ZFAT: variants seen among roughly 807,000 people sequenced by gnomAD.
ZFAT encodes zinc finger and AT-hook domain containing.
In ZFAT, 64 loss-of-function variants were observed where a neutral mutation model predicts 117.7. The observed-to-expected ratio is 0.54, with a 90% CI of 0.44 to 0.67. The LOEUF is 0.67. Among genes scored for constraint, ZFAT ranks in the 30% least tolerant of loss-of-function variants. The probability of loss-of-function intolerance (pLI) is 0.00; values close to 1 mark genes in which losing one functional copy is unlikely to be tolerated. For missense variants in ZFAT, 1,433 were observed against 1,584.5 expected, an observed-to-expected ratio of 0.90 and a Z score of 1.62; for synonymous variants, 679 against 615.0, an observed-to-expected ratio of 1.10 and a Z score of -1.54.
At chr8:134,629,865 G>A (rs1442299131) in intron 3 of ZFAT, among the ~76,000 whole-genome samples, 2 of 152,188 alleles carry the variant, frequency 1.3e-5, no homozygotes, top group African/African-American at 2.4e-5. Context: ...AGTGAACTGT[G>A]GAGAGAAGAA....
intron 1 of ZFAT, among the ~76,000 whole-genome samples, chr8:134,661,542 T>C (rs1384976277): frequency 6.6e-6 from 1 of 152,118 alleles, no homozygotes; most frequent in East Asian, 1.9e-4. Context: ...CTGGCTAGCC[T>C]TGGACACCTC....
chr8:134,680,062 G>A (rs1832996874), intron 1 of ZFAT, among the ~76,000 whole-genome samples: 1 of 151,484 alleles, frequency 6.6e-6, no homozygotes, highest in African/African-American at 2.4e-5. Flanking sequence ...TGCATGTTCT[G>A]TACATGTACC....
At chr8:134,829,607 T>C in the ZFAT span, among the ~76,000 whole-genome samples, 1 of 152,238 alleles carries the variant, frequency 6.6e-6, no homozygotes, top group South Asian at 2.1e-4. Context: ...TTTAAAGGGA[T>C]TAAGTATTTG....
intron 2 of ZFAT, among the ~76,000 whole-genome samples, chr8:134,644,588 T>C (rs1830770678): frequency 6.7e-6 from 1 of 150,000 alleles, no homozygotes; most frequent in Non-Finnish European, 1.5e-5. Context: ...ACACAACCCA[T>C]GTACACAACC....
At chr8:134,712,530 C>T (rs1392276355) in intron 1 of ZFAT, among the ~76,000 whole-genome samples, 1 of 152,104 alleles carries the variant, frequency 6.6e-6, no homozygotes, top group Non-Finnish European at 1.5e-5. Flanking sequence ...TCGAACCTCG[C>T]GCCCACTGCG....
the ZFAT span, among the ~76,000 whole-genome samples, chr8:134,800,774 G>A: frequency 6.6e-6 from 1 of 152,252 alleles, no homozygotes; most frequent in East Asian, 1.9e-4. Context: ...TGAGTTGGGT[G>A]TTTGTTTTTT....
intron 2 of ZFAT, among the ~76,000 whole-genome samples, chr8:134,655,189 G>A (rs780286638): frequency 1.1e-4 from 17 of 152,210 alleles, no homozygotes; most frequent in Admixed American, 4.6e-4. Flanking sequence ...GAATCTCCGG[G>A]AAGGGGCAGG....
At chr8:134,524,429 A>T (rs1820878858) in intron 12 of ZFAT, among the ~76,000 whole-genome samples, 1 of 152,206 alleles carries the variant, frequency 6.6e-6, no homozygotes, top group African/African-American at 2.4e-5. Flanking sequence ...ATTCAAAATA[A>T]TTACTGAAAT....
the ZFAT span, among the ~76,000 whole-genome samples, chr8:134,817,932 A>C: frequency 2.0e-5 from 3 of 152,174 alleles, no homozygotes; most frequent in African/African-American, 4.8e-5. Context: ...AAAAAGGATA[A>C]ATTTTCAACA....
At chr8:134,507,088 G>C (rs1455675336) in intron 15 of ZFAT, among the ~76,000 whole-genome samples, 7 of 152,190 alleles carry the variant, frequency 4.6e-5, no homozygotes, top group Non-Finnish European at 1.0e-4. Context: ...CCCACAGGAG[G>C]AAAAGCTTTC....
At chr8:134,507,899 G>A (rs1476067844) in intron 15 of ZFAT, among the ~76,000 whole-genome samples, 3 of 152,150 alleles carry the variant, frequency 2.0e-5, no homozygotes, top group Non-Finnish European at 4.4e-5. Context: ...TCCAGCTGGG[G>A]ACTCCACATG....
the ZFAT span, among the ~76,000 whole-genome samples, chr8:134,827,202 C>G: frequency 6.6e-6 from 1 of 152,120 alleles, no homozygotes; most frequent in Non-Finnish European, 1.5e-5. Flanking sequence ...CAGGCGTGTG[C>G]CACCACATCC....
intron 2 of ZFAT, among the ~76,000 whole-genome samples, chr8:134,638,283 T>G (rs549221910): frequency 6.6e-6 from 1 of 152,304 alleles, no homozygotes; most frequent in African/African-American, 2.4e-5. Context: ...CCTAGCGACC[T>G]AGTGATTTTC....
At chr8:134,612,425 C>T (rs1298753455) in intron 3 of ZFAT, among the ~76,000 whole-genome samples, 3 of 152,122 alleles carry the variant, frequency 2.0e-5, no homozygotes, top group African/African-American at 7.2e-5. Context: ...AGTAATTGTA[C>T]CAAGGAATGC....
intron 12 of ZFAT, among the ~76,000 whole-genome samples, chr8:134,528,509 A>C (rs555866715): frequency 1.3e-5 from 2 of 152,310 alleles, no homozygotes; most frequent in East Asian, 3.9e-4. Flanking sequence ...TGGTGTAAAA[A>C]ACTAATACAC....
chr8:134,743,346 G>T, the ZFAT span, among the ~76,000 whole-genome samples: 1 of 152,058 alleles, frequency 6.6e-6, no homozygotes, highest in African/African-American at 2.4e-5. Context: ...AAAATTAGCT[G>T]GGTCTGGTGA....
the ZFAT span, among the ~76,000 whole-genome samples, chr8:134,774,887 C>T: frequency 2.6e-5 from 4 of 151,678 alleles, no homozygotes; most frequent in Admixed American, 6.6e-5. Flanking sequence ...GAAGCCAAGG[C>T]GGGTGGATCA....
At chr8:134,636,585 G>A (rs1830224495) in intron 3 of ZFAT, among the ~76,000 whole-genome samples, 1 of 152,184 alleles carries the variant, frequency 6.6e-6, no homozygotes. Flanking sequence ...CAGAGCCTAT[G>A]TTCTTAATGA....
At chr8:134,696,010 T>A (rs1833820568) in intron 1 of ZFAT, among the ~76,000 whole-genome samples, 1 of 145,212 alleles carries the variant, frequency 6.9e-6, no homozygotes, top group Admixed American at 6.8e-5. Flanking sequence ...GGTGCCACCC[T>A]CTAGACACCC....
Sources: allele counts gnomAD v4.1 joint callset (sites outside exome capture counted in the v4.1 genomes callset), GRCh38; gene constraint gnomAD v4.1.1; transcripts MANE v1.5; gene names NCBI Gene and HGNC (gene_info 2026-07-23, HGNC 2026-07-21).